GTF2IRD1: variants seen among roughly 807,000 people sequenced by gnomAD.
GTF2IRD1 encodes the protein general transcription factor II-I repeat domain-containing protein 1.
GTF2IRD1 carries 26 observed loss-of-function variants against 113.2 expected under a neutral mutation model. The ratio of observed to expected loss-of-function variants is 0.23; its 90% CI spans 0.17 to 0.32. GTF2IRD1 has a LOEUF of 0.32. Ranked by LOEUF, GTF2IRD1 falls within the 10% of genes least tolerant of loss-of-function variation. GTF2IRD1 has a pLI of 1.00. For missense variants in GTF2IRD1, 864 were observed against 1,280.8 expected (o/e 0.67, Z 4.97); for synonymous variants, 484 against 529.1 (o/e 0.91, Z 1.17).
At chr7:74,493,655 G>A (rs141251932) in intron 1 of GTF2IRD1, among the ~76,000 whole-genome samples, 7 of 152,134 alleles carry the variant, frequency 4.6e-5, no homozygotes, top group Non-Finnish European at 8.8e-5. Context: ...GATAGATGCC[G>A]GCCAGGTAAA....
At chr7:74,455,959 T>C (rs1454685950) in intron 1 of GTF2IRD1, among the ~76,000 whole-genome samples, 1 of 152,206 alleles carries the variant, frequency 6.6e-6, no homozygotes, top group Non-Finnish European at 1.5e-5. Context: ...TGAAGACAGC[T>C]TTGTAGGGGG....
rs1798454318 is a variant in GTF2IRD1, at chr7:74,538,739, A to G, written c.1507A>G (p.Ile503Val). ...PIKIEPEDLD[I>V]IQVTVPDPSP... is the part of the protein sequence containing the mutation. ...CAAAATTGAGCCAGAGGATCTGGAC[A>G]TCATTCAGGTCACCGTCCCAGGTAA... is the stretch of plus-strand genomic sequence containing the variant. Residue 503 changes from isoleucine to valine, a missense_variant, in exon 13 of 27, where the codon ATC becomes GTC. Ile to Val is a conservative substitution (Grantham distance 29). Transcript: ENST00000424337. 6.3e-7 allele frequency: 1 copy of G among 1,595,352 alleles called. No individual in the cohort carries two copies. The highest frequency in any genetic ancestry group is 8.6e-7 in the Non-Finnish European group (1 of 1,162,930).
At chr7:74,498,131 G>A (rs1795833374) in intron 1 of GTF2IRD1, among the ~76,000 whole-genome samples, 1 of 152,006 alleles carries the variant, frequency 6.6e-6, no homozygotes, top group Non-Finnish European at 1.5e-5. Context: ...TCTTCTTAGG[G>A]GAAAGGTTTA....
intron 2 of GTF2IRD1, among the ~76,000 whole-genome samples, chr7:74,509,873 C>T (rs1796524291): frequency 6.6e-6 from 1 of 152,064 alleles, no homozygotes; most frequent in South Asian, 2.1e-4. Context: ...GACCGGGTTT[C>T]ACCATGTTGG....
rs1050967675 is a variant in GTF2IRD1 at position 74,573,745 on chromosome 7, G to A, written c.2320+14090G>A. On this transcript the variant is annotated intron_variant, in intron 22 of 26. Coordinates refer to ENST00000424337, the MANE Select transcript of GTF2IRD1 (RefSeq NM_005685.4). Reference sequence around the variant, plus strand: ...TTCCAGCCTTGTGGGGAGGGGTGTGGGGACAAAAGAGGAGGGAGGTGGAGG... The same window carrying A: ...TTCCAGCCTTGTGGGGAGGGGTGTGAGGACAAAAGAGGAGGGAGGTGGAGG... 3.7e-4 allele frequency among the ~76,000 whole-genome samples: 56 copies of A among 152,102 alleles called. 1 individual carries two copies. Among genetic ancestry groups the A allele is most frequent in the African/African-American group, 1.3e-3 (53 of 41,412 alleles).
chr7:74,496,396 GGT>G (rs782141933), intron 1 of GTF2IRD1, among the ~76,000 whole-genome samples: 20 of 148,018 alleles, frequency 1.4e-4, no homozygotes, highest in East Asian at 1.0e-3. Context: ...GATATATGTG[GGT>G]GTGTGTGCAT....
chr7:74,509,966 C>T (rs569493794), intron 2 of GTF2IRD1, among the ~76,000 whole-genome samples: 33 of 152,242 alleles, frequency 2.2e-4, no homozygotes, highest in African/African-American at 6.5e-4. Context: ...TGAGCCACTG[C>T]GCCTGGCCCA....
chr7:74,552,824 G>C (rs781870967), intron 17 of GTF2IRD1, among the ~76,000 whole-genome samples: 8 of 151,744 alleles, frequency 5.3e-5, no homozygotes, highest in Non-Finnish European at 1.0e-4. Context: ...TGGTTTTTTT[G>C]TTGTTGTTTG....
intron 3 of GTF2IRD1, among the ~76,000 whole-genome samples, chr7:74,514,458 G>A (rs1031416360): frequency 3.9e-5 from 6 of 152,182 alleles, no homozygotes; most frequent in African/African-American, 9.6e-5. Flanking sequence ...ACGCAGAGCC[G>A]CTATTTATAG....
chr7:74,554,630 C>T (rs1319036614), intron 17 of GTF2IRD1, among the ~76,000 whole-genome samples: 2 of 152,144 alleles, frequency 1.3e-5, no homozygotes, highest in African/African-American at 4.8e-5. Context: ...CCTCTGCCTC[C>T]TGGGTTCAAG....
chr7:74,574,464 T>TC (rs1554363794), intron 22 of GTF2IRD1, among the ~76,000 whole-genome samples: 1 of 148,610 alleles, frequency 6.7e-6, no homozygotes, highest in African/African-American at 2.5e-5. Flanking sequence ...AATTTTTTTT[T>TC]TTTTTTTTTT....
chr7:74,575,236 A>G (rs1274601375), intron 22 of GTF2IRD1, among the ~76,000 whole-genome samples: 1 of 152,174 alleles, frequency 6.6e-6, no homozygotes, highest in Non-Finnish European at 1.5e-5. Context: ...TGATGACCAG[A>G]AGGAGGCCTT....
intron 22 of GTF2IRD1, among the ~76,000 whole-genome samples, chr7:74,561,595 C>T (rs150513080): frequency 1.8e-4 from 27 of 151,420 alleles, no homozygotes; most frequent in African/African-American, 6.3e-4. Flanking sequence ...CCGGAGCTCT[C>T]GGAGGGGCAG....
At chr7:74,454,464 G>T (rs1183804600) in intron 1 of GTF2IRD1, among the ~76,000 whole-genome samples, 1 of 152,058 alleles carries the variant, frequency 6.6e-6, no homozygotes, top group African/African-American at 2.4e-5. Flanking sequence ...TCTGGAGGTG[G>T]GGGGCGTCCC....
intron 1 of GTF2IRD1, among the ~76,000 whole-genome samples, chr7:74,501,123 A>G (rs1160617613): frequency 6.6e-6 from 1 of 152,078 alleles, no homozygotes; most frequent in Admixed American, 6.6e-5. Context: ...CCCAGGCAGG[A>G]GAAACGGACC....
intron 22 of GTF2IRD1, among the ~76,000 whole-genome samples, chr7:74,567,000 T>C (rs1800359231): frequency 6.6e-6 from 1 of 152,086 alleles, no homozygotes; most frequent in South Asian, 2.1e-4. Context: ...TTTAGGCTTG[T>C]AGTTAATCCT....
chr7:74,535,079 A>C (rs782335274), intron 9 of GTF2IRD1, 34 bp from the exon 10 acceptor site: 1 of 1,605,700 alleles, frequency 6.2e-7, no homozygotes, highest in East Asian at 2.2e-5. Context: ...TCCAGCCTGC[A>C]CTGTTCTCAT....
chr7:74,590,021 C>T, intron 23 of GTF2IRD1, 93 bp downstream of exon 23: 1 of 754,952 alleles, frequency 1.3e-6, no homozygotes, highest in African/African-American at 1.7e-5. Flanking sequence ...TTCAGGAGCC[C>T]CCAGCTGGCT....
At chr7:74,591,756 T>G (rs1433814995) in intron 24 of GTF2IRD1, among the ~76,000 whole-genome samples, 2 of 152,138 alleles carry the variant, frequency 1.3e-5, no homozygotes, top group Non-Finnish European at 2.9e-5. Flanking sequence ...GGTCTCACTC[T>G]GTTGCCCAGG....
Sources: gnomAD v4.1 joint callset for allele counts (sites outside exome capture counted in the v4.1 genomes callset) on GRCh38, gnomAD v4.1.1 for gene constraint, MANE v1.5 for transcripts, NCBI Gene and HGNC (gene_info 2026-07-23, HGNC 2026-07-21) for gene names.